CFAP299: variants seen among roughly 807,000 people sequenced by gnomAD.
The protein encoded by CFAP299 is cilia and flagella associated protein 299.
CFAP299 carries 21 observed loss-of-function variants against 27.0 expected under a neutral mutation model. The observed-to-expected ratio is 0.78, with a 90% CI of 0.55 to 1.12. CFAP299 has a LOEUF of 1.12. Among genes scored for constraint, CFAP299 ranks in the 50% most tolerant of loss-of-function variants. The pLI, the probability that CFAP299 is intolerant of heterozygous loss-of-function variation, is 0.00. For synonymous variants in CFAP299, 104 were observed against 98.1 expected (o/e 1.06, Z -0.36); for missense variants, 310 against 276.6 (o/e 1.12, Z -0.86).
At chr4:80,667,909 T>G (rs1577994906) in intron 3 of CFAP299, among the ~76,000 whole-genome samples, 2 of 152,122 alleles carry the variant, frequency 1.3e-5, no homozygotes, top group South Asian at 4.1e-4. Flanking sequence ...TAGTTTTCCA[T>G]ACTGGCTGCA....
At chr4:80,488,840 T>C (rs1730968186) in intron 2 of CFAP299, among the ~76,000 whole-genome samples, 1 of 152,122 alleles carries the variant, frequency 6.6e-6, no homozygotes, top group Non-Finnish European at 1.5e-5. Flanking sequence ...CAAAGAATGG[T>C]GGTTCAGCAT....
chr4:80,888,592 G>T (rs964190944), intron 4 of CFAP299, among the ~76,000 whole-genome samples: 44 of 152,094 alleles, frequency 2.9e-4, no homozygotes, highest in Middle Eastern at 3.4e-3. Flanking sequence ...GGAAACATCG[G>T]ACTTAACCTC....
chr4:80,535,729 G>A (rs1355909650), intron 2 of CFAP299, among the ~76,000 whole-genome samples: 1 of 152,016 alleles, frequency 6.6e-6, no homozygotes, highest in Non-Finnish European at 1.5e-5. Context: ...CTTTAACTGG[G>A]TATGACTGAA....
At chr4:80,579,188 T>A (rs1736041521) in intron 2 of CFAP299, among the ~76,000 whole-genome samples, 1 of 152,176 alleles carries the variant, frequency 6.6e-6, no homozygotes, top group South Asian at 2.1e-4. Flanking sequence ...AATAGTGGCC[T>A]CCAACTTATG....
Position 80,388,299 on chromosome 4 carries a change from G to A in CFAP299, c.242+25415G>A, listed in dbSNP as rs1725131185. On this transcript the variant is annotated intron_variant, in intron 2 of 5. Transcript: ENST00000358105. ...GTGAAGCCTGAAATGGCAGACATGA[G>A]CAAGTCATTGCTTACCAAGATGTTC... is the stretch of plus-strand genomic sequence containing the variant. 7.2e-6 allele frequency: 5 copies of A among 693,514 alleles called. No individual in the cohort carries two copies. In the South Asian group the frequency reaches 7.9e-5, roughly 11 times the overall value. 43.0% of individuals were successfully genotyped at this position (693,514 alleles called of 1,614,324 possible). A position where few individuals can be genotyped will look rare whatever the true frequency, so the allele number is the denominator to read the frequency against.
intron 2 of CFAP299, among the ~76,000 whole-genome samples, chr4:80,581,453 G>GATATAGAT (rs1553936103): frequency 4.9e-5 from 5 of 103,018 alleles, no homozygotes; most frequent in African/African-American, 3.1e-4. Flanking sequence ...TATTAAGTGA[G>GATATAGAT]ATATATATAT....
At chr4:80,747,755 C>G (rs1724703768) in intron 3 of CFAP299, among the ~76,000 whole-genome samples, 1 of 152,002 alleles carries the variant, frequency 6.6e-6, no homozygotes, top group Admixed American at 6.6e-5. Context: ...TGATATCTGA[C>G]TTGAAATGGC....
chr4:80,716,875 G>T (rs1198465506), intron 3 of CFAP299, among the ~76,000 whole-genome samples: 2 of 152,182 alleles, frequency 1.3e-5, no homozygotes, highest in East Asian at 1.9e-4. Flanking sequence ...TGATAGAGAG[G>T]TTGCCCAGGA....
chr4:80,583,065 AT>A, intron 2 of CFAP299, 27 bp from the exon 3 acceptor site: 1 of 1,455,524 alleles, frequency 6.9e-7, no homozygotes, highest in Non-Finnish European at 9.5e-7. Flanking sequence ...TATCTAATAT[AT>A]TATAACTGAA....
chr4:80,372,616 C>T (rs1724201014), intron 2 of CFAP299, among the ~76,000 whole-genome samples: 1 of 152,158 alleles, frequency 6.6e-6, no homozygotes, highest in Admixed American at 6.5e-5. Context: ...TATGAAGTGG[C>T]AGGCCCCCAG....
Position 80,945,351 on chromosome 4 carries a change from A to G in CFAP299, c.606+412A>G, listed in dbSNP as rs1737420897. ...CCAGAATTCTAATACCCCTCTGTGT[A>G]TGTGACTAACACTAAAAATGGTTTG... On this transcript the variant is annotated intron_variant, in intron 5 of 5. Transcript: ENST00000358105. 2.6e-5 allele frequency among the ~76,000 whole-genome samples: 4 copies of G among 152,230 alleles called. No homozygotes were observed. In the South Asian group the frequency reaches 6.2e-4, roughly 24 times the overall value.
intron 3 of CFAP299, among the ~76,000 whole-genome samples, chr4:80,817,575 A>C (rs535182668): frequency 4.6e-5 from 7 of 152,178 alleles, no homozygotes; most frequent in African/African-American, 1.7e-4. Flanking sequence ...ATATTTAATA[A>C]AATAAAAATT....
intron 3 of CFAP299, among the ~76,000 whole-genome samples, chr4:80,689,957 TAATGGTA>T (rs955508542): frequency 1.3e-5 from 2 of 150,738 alleles, no homozygotes; most frequent in African/African-American, 5.0e-5. Flanking sequence ...GGCCATTACA[TAATGGTA>T]AAGGGATCAA....
chr4:80,842,924 A>G (rs1285078113), intron 3 of CFAP299, among the ~76,000 whole-genome samples: 2 of 152,078 alleles, frequency 1.3e-5, no homozygotes, highest in Admixed American at 6.6e-5. Context: ...TTAAATGCCA[A>G]TGTACTGCCT....
intron 3 of CFAP299, among the ~76,000 whole-genome samples, chr4:80,848,290 T>C (rs79018526): frequency 3.9e-5 from 6 of 152,188 alleles, no homozygotes; most frequent in Non-Finnish European, 7.4e-5. Context: ...TATAAAGTGA[T>C]GAGTACTAAC....
intron 2 of CFAP299, chr4:80,386,550 C>T (rs1725016750): frequency 1.9e-6 from 3 of 1,594,852 alleles, no homozygotes; most frequent in Non-Finnish European, 2.6e-6. Flanking sequence ...AGGTCCTTTT[C>T]CTTCTGGGGG....
intron 3 of CFAP299, among the ~76,000 whole-genome samples, chr4:80,848,262 G>A (rs544549012): frequency 6.6e-6 from 1 of 151,842 alleles, no homozygotes; most frequent in South Asian, 2.1e-4. Context: ...CAGACTACAA[G>A]AACCTCAAAA....
chr4:80,850,504 C>T (rs1240723101), intron 3 of CFAP299, among the ~76,000 whole-genome samples: 1 of 151,350 alleles, frequency 6.6e-6, no homozygotes, highest in African/African-American at 2.4e-5. Context: ...ATTTCTAAAA[C>T]TTGAGTTTTA....
chr4:80,327,208 A>G, the CFAP299 span, among the ~76,000 whole-genome samples: 8 of 152,180 alleles, frequency 5.3e-5, no homozygotes, highest in Admixed American at 4.6e-4. Context: ...CAGAAGGACA[A>G]AAAGGAGCCA....
Sources: allele counts gnomAD v4.1 joint callset (sites outside exome capture counted in the v4.1 genomes callset), GRCh38; gene constraint gnomAD v4.1.1; transcripts MANE v1.5; gene names NCBI Gene and HGNC (gene_info 2026-07-23, HGNC 2026-07-21).